Variants in KCNT2 observed in about 807,000 individuals in gnomAD.
KCNT2 encodes the protein potassium channel subfamily T member 2.
KCNT2 carries 67 observed loss-of-function variants against 153.8 expected under a neutral mutation model. The ratio of observed to expected loss-of-function variants is 0.44; its 90% CI spans 0.36 to 0.53. The LOEUF is 0.53. Ranked by LOEUF, KCNT2 falls within the 20% of genes least tolerant of loss-of-function variation. KCNT2 has a pLI of 0.00. For missense variants in KCNT2, 975 were observed against 1,354.8 expected (o/e 0.72, Z 4.40); for synonymous variants, 500 against 458.8 (o/e 1.09, Z -1.15).
intron 26 of KCNT2, among the ~76,000 whole-genome samples, chr1:196,254,774 C>A (rs2147765438): frequency 1.3e-5 from 2 of 151,616 alleles, no homozygotes; most frequent in Middle Eastern, 6.8e-3. Context: ...TGACTAAGAA[C>A]TAAGTCACCA....
At chr1:196,368,514 G>T (rs890903816) in intron 14 of KCNT2, among the ~76,000 whole-genome samples, 5 of 152,062 alleles carry the variant, frequency 3.3e-5, no homozygotes, top group Non-Finnish European at 5.9e-5. Flanking sequence ...TCCTTAATTT[G>T]TTCATATTTT....
At chr1:196,235,707 T>A (rs1256577932) in intron 27 of KCNT2, among the ~76,000 whole-genome samples, 1 of 151,460 alleles carries the variant, frequency 6.6e-6, no homozygotes, top group East Asian at 1.9e-4. Context: ...GTTGCTCTTT[T>A]ATTCTTCCAC....
intron 25 of KCNT2, among the ~76,000 whole-genome samples, chr1:196,271,664 G>A (rs992859354): frequency 1.3e-5 from 2 of 151,876 alleles, no homozygotes; most frequent in African/African-American, 4.8e-5. Flanking sequence ...AAAGATTTAA[G>A]AGTACAGTTT....
At chr1:196,289,443 A>G (rs1314790906) in intron 22 of KCNT2, among the ~76,000 whole-genome samples, 1 of 152,152 alleles carries the variant, frequency 6.6e-6, no homozygotes. Context: ...ACAATGCCTA[A>G]CACAATGCCT....
At chr1:196,372,707 A>G (rs530988848) in intron 14 of KCNT2, among the ~76,000 whole-genome samples, 3 of 152,022 alleles carry the variant, frequency 2.0e-5, no homozygotes, top group African/African-American at 4.8e-5. Flanking sequence ...TTTGACATCA[A>G]TTGTGTACAT....
rs979714367 is a variant in KCNT2 at position 196,226,805 on chromosome 1, ATT to A, written c.*1417_*1418del. On this transcript the variant is annotated 3_prime_UTR_variant, in exon 28 of 28. Coordinates refer to ENST00000294725, the MANE Select transcript of KCNT2 (RefSeq NM_198503.5). ...AAAGTCCCTTTCTAGTTTTATATGTATTTTTTGTTGTTGCTGAATTAAACTCA... is the reference window on the plus strand; with the variant it reads ...AAAGTCCCTTTCTAGTTTTATATGTATTTTGTTGTTGCTGAATTAAACTCA... 3 of 151,970 alleles carry A rather than the reference ATT, an allele frequency of 2.0e-5. No homozygotes were observed. In the East Asian group the frequency reaches 5.8e-4, roughly 29 times the overall value. 9.4% of individuals were successfully genotyped at this position (151,970 alleles called of 1,614,324 possible).
chr1:196,400,544 C>T (rs115793212), intron 12 of KCNT2, among the ~76,000 whole-genome samples: 8,754 of 151,390 alleles, frequency 0.058, 394 homozygotes, highest in Non-Finnish European at 0.085. Context: ...AGTCAGTTAT[C>T]GAAAAAACAT....
intron 1 of KCNT2, among the ~76,000 whole-genome samples, chr1:196,545,458 T>C (rs1656950692): frequency 6.6e-6 from 1 of 151,934 alleles, no homozygotes; most frequent in African/African-American, 2.4e-5. Flanking sequence ...GGAAACAGGA[T>C]CAGGCTGGAG....
chr1:196,493,864 T>TATGATA (rs1205835944), intron 1 of KCNT2, among the ~76,000 whole-genome samples: 3 of 151,184 alleles, frequency 2.0e-5, no homozygotes, highest in Non-Finnish European at 4.4e-5. Flanking sequence ...TATTCTGACT[T>TATGATA]ACTTTGTTTT....
chr1:196,357,680 G>A (rs1301333117), intron 14 of KCNT2, among the ~76,000 whole-genome samples: 3 of 151,862 alleles, frequency 2.0e-5, no homozygotes, highest in Admixed American at 1.3e-4. Context: ...GCAATGGATG[G>A]CTAGTAGAGG....
At chr1:196,347,230 T>C (rs1309730071) in intron 14 of KCNT2, among the ~76,000 whole-genome samples, 2 of 152,182 alleles carry the variant, frequency 1.3e-5, no homozygotes, top group Admixed American at 6.6e-5. Flanking sequence ...TTACATCCTA[T>C]AGATCTATCT....
chr1:196,507,587 C>T (rs575157715), intron 1 of KCNT2, among the ~76,000 whole-genome samples: 33 of 152,218 alleles, frequency 2.2e-4, no homozygotes, highest in Admixed American at 1.3e-4. Context: ...CCTAGAATTA[C>T]TTAGCTTAAC....
At chr1:196,470,377 C>T (rs1677985668) in intron 5 of KCNT2, among the ~76,000 whole-genome samples, 1 of 152,160 alleles carries the variant, frequency 6.6e-6, no homozygotes, top group African/African-American at 2.4e-5. Context: ...GCAAAAGTGC[C>T]TATTTTCTGG....
At chr1:196,411,356 G>GTT in intron 12 of KCNT2, among the ~76,000 whole-genome samples, 1 of 147,136 alleles carries the variant, frequency 6.8e-6, no homozygotes, top group Non-Finnish European at 1.5e-5. Flanking sequence ...GATACCTCCT[G>GTT]CTTTCTTCTT....
intron 1 of KCNT2, among the ~76,000 whole-genome samples, chr1:196,528,652 C>A (rs535555540): frequency 2.2e-4 from 34 of 152,220 alleles, no homozygotes; most frequent in African/African-American, 8.2e-4. Context: ...AAAACAGAAT[C>A]ATTAATGGAG....
intron 8 of KCNT2, among the ~76,000 whole-genome samples, chr1:196,430,482 T>C (rs573979749): frequency 1.3e-5 from 2 of 151,896 alleles, no homozygotes; most frequent in East Asian, 3.9e-4. Flanking sequence ...CTTTCTACAA[T>C]GTTATGAGAT....
At chr1:196,356,923 T>G (rs980315750) in intron 14 of KCNT2, among the ~76,000 whole-genome samples, 4 of 151,810 alleles carry the variant, frequency 2.6e-5, no homozygotes, top group Non-Finnish European at 5.9e-5. Flanking sequence ...ATAAAACTTA[T>G]CTACTGGTAG....
intron 1 of KCNT2, among the ~76,000 whole-genome samples, chr1:196,496,266 G>A (rs567314998): frequency 4.6e-5 from 7 of 152,042 alleles, no homozygotes; most frequent in African/African-American, 1.4e-4. Context: ...TCAGGAGATC[G>A]AGACCATCCT....
chr1:196,596,084 A>ATATATATATATC (rs1664049478), intron 1 of KCNT2, among the ~76,000 whole-genome samples: 1 of 34,660 alleles, frequency 2.9e-5, no homozygotes, highest in African/African-American at 8.1e-5. Flanking sequence ...ATATATATAT[A>ATATATATATATC]TATATATATA....
Sources: allele counts gnomAD v4.1 joint callset (sites outside exome capture counted in the v4.1 genomes callset), GRCh38; gene constraint gnomAD v4.1.1; transcripts MANE v1.5; gene names NCBI Gene and HGNC (gene_info 2026-07-23, HGNC 2026-07-21).